The following STOM variants were observed in gnomAD, a reference collection of about 807,000 sequenced individuals.
The protein encoded by STOM is stomatin.
In STOM, 25 loss-of-function variants were observed where a neutral mutation model predicts 30.6. The ratio of observed to expected loss-of-function variants is 0.82; its 90% confidence interval spans 0.60 to 1.14. The LOEUF (loss-of-function observed/expected upper bound fraction) is 1.14. STOM is among the 50% of genes most tolerant of loss of function. The pLI is 0.00. For synonymous variants in STOM, 118 were observed against 130.8 expected (o/e 0.90, Z 0.67); for missense variants, 292 against 365.2 (o/e 0.80, Z 1.63).
At chr9:121,369,906 T>C (rs1282610221) in intron 1 of STOM, 4 of 499,072 alleles carry the variant, frequency 8.0e-6, no homozygotes, top group Non-Finnish European at 1.1e-5. Context: ...GCCCGTGCGA[T>C]GGGAAACGTG....
chr9:121,359,173 A>C (rs2064426025), intron 1 of STOM, among the ~76,000 whole-genome samples: 1 of 152,178 alleles, frequency 6.6e-6, no homozygotes, highest in Non-Finnish European at 1.5e-5. Context: ...GCTCAGAAGA[A>C]AGGGCAAAAT....
intron 1 of STOM, among the ~76,000 whole-genome samples, chr9:121,357,088 G>A (rs897718575): frequency 6.6e-6 from 1 of 152,158 alleles, no homozygotes; most frequent in African/African-American, 2.4e-5. Context: ...TGAGTATAAA[G>A]TTGTTTAGAG....
chr9:121,343,893 G>A (rs897785581), intron 6 of STOM, among the ~76,000 whole-genome samples: 1 of 152,204 alleles, frequency 6.6e-6, no homozygotes, highest in Non-Finnish European at 1.5e-5. Context: ...AGAAGGCAGT[G>A]AAAGCTGCTA....
intron 1 of STOM, among the ~76,000 whole-genome samples, chr9:121,362,706 T>C (rs953901132): frequency 6.6e-6 from 1 of 152,218 alleles, no homozygotes; most frequent in African/African-American, 2.4e-5. Context: ...TGAGTATTTA[T>C]AATGTTTACA....
At chr9:121,353,952 C>T (rs1258161622) in intron 3 of STOM, among the ~76,000 whole-genome samples, 1 of 152,182 alleles carries the variant, frequency 6.6e-6, no homozygotes, top group African/African-American at 2.4e-5. Context: ...TTTCTCACAG[C>T]TCTCTGTGAG....
intron 6 of STOM, 68 bp from the exon 7 acceptor site, chr9:121,341,476 CG>C: frequency 2.5e-6 from 4 of 1,600,326 alleles, no homozygotes; most frequent in East Asian, 2.2e-5. Context: ...ACTCTTCAAC[CG>C]GGGGTATGTA....
rs561647004 is a variant in STOM at position 121,354,502 on chromosome 9, G to A, written c.238+99C>T. On this transcript the variant is annotated intron_variant, in intron 3 of 6. Transcript: ENST00000286713. ...GCCACTGTACTCCAGCCTGGGCGAC[G>A]GAATGAAACCCTGTCTTTAAAAAAA... 26 of 930,194 alleles carry A rather than the reference G, an allele frequency of 2.8e-5. No homozygotes were observed. In the South Asian group the frequency reaches 3.3e-4, roughly 12 times the overall value. The allele number at this position is 930,194 out of a possible 1,614,324, so 57.6% of individuals were successfully genotyped here.
chr9:121,345,931 A>G (rs2134023655), intron 6 of STOM, among the ~76,000 whole-genome samples: 1 of 152,194 alleles, frequency 6.6e-6, no homozygotes, highest in African/African-American at 2.4e-5. Context: ...TTTTCCTTTG[A>G]ATAGTGGGAT....
chr9:121,351,770 A>G (rs2064341887), intron 4 of STOM, among the ~76,000 whole-genome samples: 2 of 152,224 alleles, frequency 1.3e-5, no homozygotes, highest in South Asian at 2.1e-4. Context: ...CACTGCAACT[A>G]TATACTTTCT....
intron 4 of STOM, among the ~76,000 whole-genome samples, chr9:121,352,622 T>C (rs183359325): frequency 2.0e-4 from 30 of 152,352 alleles, no homozygotes; most frequent in African/African-American, 6.5e-4. Context: ...GCACTTACTA[T>C]TTGTCAGCCA....
intron 6 of STOM, among the ~76,000 whole-genome samples, chr9:121,341,765 T>C (rs116166811): frequency 0.028 from 4,302 of 152,280 alleles, 220 homozygotes; most frequent in African/African-American, 0.098. Context: ...TCCAATTCTC[T>C]GATGAGTACC....
chr9:121,341,800 C>T (rs747136997), intron 6 of STOM, among the ~76,000 whole-genome samples: 49 of 152,076 alleles, frequency 3.2e-4, no homozygotes, highest in Non-Finnish European at 6.2e-4. Flanking sequence ...GCTGACAGGT[C>T]ATTATAAATA....
At chr9:121,341,987 G>A (rs1040842534) in intron 6 of STOM, among the ~76,000 whole-genome samples, 5 of 152,112 alleles carry the variant, frequency 3.3e-5, no homozygotes, top group East Asian at 1.9e-4. Flanking sequence ...ATGCTGAATC[G>A]TGTCTCATTC....
chr9:121,352,585 G>GT (rs1477628690), intron 4 of STOM, among the ~76,000 whole-genome samples: 2 of 152,210 alleles, frequency 1.3e-5, no homozygotes, highest in Non-Finnish European at 2.9e-5. Context: ...AGGGCCAACT[G>GT]TAATAGTAAC....
intron 6 of STOM, among the ~76,000 whole-genome samples, chr9:121,344,792 C>G (rs2134022574): frequency 6.6e-6 from 1 of 152,306 alleles, no homozygotes; most frequent in South Asian, 2.1e-4. Context: ...TAGACTTCTA[C>G]ACCCAGAAAC....
Position 121,339,375 on chromosome 9 carries a change from A to G in STOM, c.*1827T>C, listed in dbSNP as rs998561418. On this transcript the variant is annotated 3_prime_UTR_variant, in exon 7 of 7. Transcript: ENST00000286713. ...TGAACCACTTCACACAACAGATAAA[A>G]CCATCATTTTAAAATTCAAAATGTA... The G allele has an allele frequency of 4.9e-6, 2 of 410,068 alleles. No individual in the cohort carries two copies. Among genetic ancestry groups the G allele is most frequent in the Admixed American group, 9.8e-5 (2 of 20,432 alleles). The allele number at this position is 410,068 out of a possible 1,614,324, so 25.4% of individuals were successfully genotyped here. A position where few individuals can be genotyped will look rare whatever the true frequency, so the allele number is the denominator to read the frequency against.
At position 121,341,298 on chromosome 9, in the gene STOM, G is replaced by A. The variant is rs772527598; in HGVS notation, c.771C>T (p.Thr257=). 3 of 1,614,150 alleles carry A rather than the reference G, an allele frequency of 1.9e-6. No individual in the cohort carries two copies. In the South Asian group the frequency reaches 3.3e-5, roughly 18 times the overall value. Residue 257 remains threonine (T), a synonymous_variant, in exon 7 of 7, where the codon ACC becomes ACT. Coordinates refer to ENST00000286713, the MANE Select transcript of STOM (RefSeq NM_004099.6). ...TTGAGTTTTTCTCAGCAGCAATGGT[G>A]GTCAGTGTCTGCAGGTATCGGAGCT... ...ALQLRYLQTL[T]TIAAEKNSTI... is the part of the protein sequence containing the mutation.
chr9:121,359,925 T>C (rs2064434023), intron 1 of STOM, among the ~76,000 whole-genome samples: 1 of 152,218 alleles, frequency 6.6e-6, no homozygotes, highest in African/African-American at 2.4e-5. Context: ...TGCCTATTTA[T>C]AGCAAAAGAT....
Position 121,340,263 on chromosome 9 carries a change from C to A in STOM, c.*939G>T, listed in dbSNP as rs1206133570. On this transcript the variant is annotated 3_prime_UTR_variant, in exon 7 of 7. Transcript: ENST00000286713. ...AAACATGGATGTATTTTTAAAATGA[C>A]CACTCTAGTAGTGAATTTAAAAGTC... 2.0e-6 allele frequency: 2 copies of A among 985,142 alleles called. No homozygotes were observed. The highest frequency in any genetic ancestry group is 3.5e-5 in the African/African-American group (2 of 57,186). The allele number at this position is 985,142 out of a possible 1,614,324, so 61.0% of individuals were successfully genotyped here. A position where few individuals can be genotyped will look rare whatever the true frequency, so the allele number is the denominator to read the frequency against.
Sources: gnomAD v4.1 joint callset for allele counts (sites outside exome capture counted in the v4.1 genomes callset) on GRCh38, gnomAD v4.1.1 for gene constraint, MANE v1.5 for transcripts, NCBI Gene and HGNC (gene_info 2026-07-23, HGNC 2026-07-21) for gene names.